GAP43: variants seen among roughly 807,000 people sequenced by gnomAD.
The protein encoded by GAP43 is neuromodulin.
In GAP43, 6 loss-of-function variants were observed where a neutral mutation model predicts 18.6. That is an observed-to-expected ratio of 0.32 (90% CI 0.18 to 0.64). The LOEUF (loss-of-function observed/expected upper bound fraction) is 0.64. GAP43 is among the 30% of genes least tolerant of loss of function. GAP43 has a pLI of 0.78. For missense variants in GAP43, 292 were observed against 295.5 expected (o/e 0.99, Z 0.09); for synonymous variants, 115 against 111.4 (o/e 1.03, Z -0.20).
At chr3:115,690,573 A>G (rs1300604435) in intron 2 of GAP43, among the ~76,000 whole-genome samples, 1 of 152,096 alleles carries the variant, frequency 6.6e-6, no homozygotes, top group Non-Finnish European at 1.5e-5. Context: ...ACCCTTAAAC[A>G]GTTGTGATGA....
intron 1 of GAP43, among the ~76,000 whole-genome samples, chr3:115,638,963 C>G (rs183205641): frequency 1.3e-5 from 2 of 151,982 alleles, no homozygotes; most frequent in Non-Finnish European, 2.9e-5. Context: ...ACCAGGAGCT[C>G]CTTTCAGGTA....
intron 1 of GAP43, among the ~76,000 whole-genome samples, chr3:115,658,298 C>T (rs1379569452): frequency 6.6e-6 from 1 of 152,134 alleles, no homozygotes; most frequent in Non-Finnish European, 1.5e-5. Context: ...TCCTTCTCCC[C>T]ACTTTGCTTC....
chr3:115,676,563 A>G lies in GAP43; in HGVS notation c.581A>G (p.Gln194Arg). The change falls in exon 2 of 3, where the codon CAG becomes CGG. Residue 194 changes from glutamine (Q) to arginine (R), a missense_variant. Gln to Arg is a conservative substitution (Grantham distance 43). Coordinates refer to ENST00000305124, the MANE Select transcript of GAP43 (RefSeq NM_002045.4). Reference protein sequence around the residue: ...AEDAAAKATAQPPTETGESSQ... With the variant: ...AEDAAAKATARPPTETGESSQ... ...GATGCTGCTGCCAAGGCAACAGCCC[A>G]GCCTCCAACGGAGACTGGGGAGAGC... 4 of 1,612,316 alleles carry G rather than the reference A, an allele frequency of 2.5e-6. No homozygotes were observed. The highest frequency in any genetic ancestry group is 3.4e-6 in the Non-Finnish European group (4 of 1,179,782).
intron 1 of GAP43, among the ~76,000 whole-genome samples, chr3:115,662,170 G>C (rs1708670291): frequency 6.6e-6 from 1 of 152,162 alleles, no homozygotes. Context: ...TATGAGAATA[G>C]TACTTCTAGG....
At chr3:115,696,578 G>A (rs79176588) in intron 2 of GAP43, among the ~76,000 whole-genome samples, 19,390 of 54,390 alleles carry the variant, frequency 0.36, 1,750 homozygotes, top group East Asian at 0.52. Flanking sequence ...GCCCCCCACC[G>A]CCCCCCCCCC....
At chr3:115,683,965 G>C (rs1342771848) in intron 2 of GAP43, among the ~76,000 whole-genome samples, 1 of 152,048 alleles carries the variant, frequency 6.6e-6, no homozygotes, top group African/African-American at 2.4e-5. Flanking sequence ...AGTTAGATGT[G>C]ATTACTCAGC....
At chr3:115,683,118 T>C (rs1708976633) in intron 2 of GAP43, among the ~76,000 whole-genome samples, 4 of 134,674 alleles carry the variant, frequency 3.0e-5, no homozygotes, top group South Asian at 2.4e-4. Context: ...TTTCTCTACA[T>C]ACATGTGCGC....
intron 1 of GAP43, among the ~76,000 whole-genome samples, chr3:115,640,967 C>T: frequency 7.2e-6 from 1 of 139,268 alleles, no homozygotes; most frequent in African/African-American, 2.6e-5. Context: ...CCCTCCTTCC[C>T]TTCCTTCCTT....
chr3:115,707,890 T>C (rs1709384570), intron 2 of GAP43, among the ~76,000 whole-genome samples: 2 of 152,086 alleles, frequency 1.3e-5, no homozygotes, highest in Non-Finnish European at 2.9e-5. Flanking sequence ...CATGGTAACA[T>C]TATAGGACCA....
chr3:115,666,798 G>A (rs563325103), intron 1 of GAP43, among the ~76,000 whole-genome samples: 2 of 152,310 alleles, frequency 1.3e-5, no homozygotes, highest in East Asian at 1.9e-4. Flanking sequence ...GGAGGACTAA[G>A]CAAGGGCTTT....
chr3:115,649,665 G>T (rs2107474472), intron 1 of GAP43, among the ~76,000 whole-genome samples: 1 of 151,998 alleles, frequency 6.6e-6, no homozygotes, highest in South Asian at 2.1e-4. Context: ...TTTATATTCA[G>T]GGGATCCTGT....
At chr3:115,670,356 A>G (rs1388541606) in intron 1 of GAP43, among the ~76,000 whole-genome samples, 1 of 151,392 alleles carries the variant, frequency 6.6e-6, no homozygotes, top group African/African-American at 2.4e-5. Context: ...ATAGTATTCC[A>G]TGGTGTATAT....
At chr3:115,702,086 T>A (rs951662882) in intron 2 of GAP43, among the ~76,000 whole-genome samples, 2 of 152,032 alleles carry the variant, frequency 1.3e-5, no homozygotes, top group Non-Finnish European at 2.9e-5. Flanking sequence ...AGGTGATGTC[T>A]CAGATAAAGA....
intron 2 of GAP43, among the ~76,000 whole-genome samples, chr3:115,686,478 G>T (rs1431987265): frequency 6.6e-6 from 1 of 152,094 alleles, no homozygotes; most frequent in Non-Finnish European, 1.5e-5. Context: ...CTCAAAATTT[G>T]ATCTGAGCTG....
At position 115,640,912 on chromosome 3, in the gene GAP43, T is replaced by C. The variant is rs199939464; in HGVS notation, c.30+17193T>C. On this transcript the variant is annotated intron_variant, in intron 1 of 2. Coordinates refer to ENST00000305124, the MANE Select transcript of GAP43 (RefSeq NM_002045.4). ...TCTCTTTCTTTCTCTTTTTTCTTTT[T>C]CTTTCTTTCCTTCTTTTTTTCCTTC... is the stretch of plus-strand genomic sequence containing the variant. Among the ~76,000 whole-genome samples the C allele has an allele frequency of 1.1e-4, 16 of 149,678 alleles. No homozygotes were observed. In the East Asian group the frequency reaches 3.2e-3, roughly 30 times the overall value.
At chr3:115,630,019 A>G (rs935386075) in intron 1 of GAP43, among the ~76,000 whole-genome samples, 5 of 152,040 alleles carry the variant, frequency 3.3e-5, no homozygotes, top group African/African-American at 1.2e-4. Context: ...AGCTGGCACT[A>G]TCTCCCCTCC....
intron 1 of GAP43, among the ~76,000 whole-genome samples, chr3:115,633,649 A>G (rs1396371707): frequency 6.6e-6 from 1 of 152,214 alleles, no homozygotes; most frequent in Non-Finnish European, 1.5e-5. Flanking sequence ...CACCTAAAAA[A>G]GAAAGGTCAG....
chr3:115,680,268 G>A (rs911121645), intron 2 of GAP43, among the ~76,000 whole-genome samples: 1 of 152,070 alleles, frequency 6.6e-6, no homozygotes, highest in Non-Finnish European at 1.5e-5. Flanking sequence ...ACCAGCCTGG[G>A]CAACAGAAGG....
chr3:115,677,806 C>G (rs771586289), intron 2 of GAP43, among the ~76,000 whole-genome samples: 2 of 152,210 alleles, frequency 1.3e-5, no homozygotes, highest in Non-Finnish European at 2.9e-5. Flanking sequence ...GTTTTGGCAT[C>G]TGACCATCAG....
Sources: allele counts gnomAD v4.1 joint callset (sites outside exome capture counted in the v4.1 genomes callset), GRCh38; gene constraint gnomAD v4.1.1; transcripts MANE v1.5; gene names NCBI Gene and HGNC (gene_info 2026-07-23, HGNC 2026-07-21).